B4GALT1: variants seen among roughly 807,000 people sequenced by gnomAD.
B4GALT1 encodes beta-1,4-galactosyltransferase 1, also known as N-acetyllactosamine synthase.
Under a neutral mutation model 34.9 loss-of-function variants are expected in B4GALT1, and 16 were observed. The ratio of observed to expected loss-of-function variants is 0.46; its 90% CI spans 0.31 to 0.70. The LOEUF (loss-of-function observed/expected upper bound fraction) is 0.70, where lower values mean the gene tolerates loss of function less well. Among genes scored for constraint, B4GALT1 ranks in the 30% least tolerant of loss-of-function variants. B4GALT1 has a pLI of 0.05. For missense variants in B4GALT1, 445 were observed against 530.5 expected (o/e 0.84, Z 1.58); for synonymous variants, 221 against 218.1 (o/e 1.01, Z -0.12).
upstream of B4GALT1, among the ~76,000 whole-genome samples, chr9:33,169,036 A>T (rs13287724): frequency 0.11 from 16,882 of 152,184 alleles, 1,060 homozygotes; most frequent in African/African-American, 0.16. Context: ...AAAACATCAA[A>T]ATTCACCACC....
intron 2 of B4GALT1, among the ~76,000 whole-genome samples, chr9:33,126,829 C>T (rs1840116627): frequency 6.6e-6 from 1 of 152,182 alleles, no homozygotes; most frequent in African/African-American, 2.4e-5. Context: ...TGACCCCTGC[C>T]ACACAGGAAC....
the B4GALT1 span, among the ~76,000 whole-genome samples, chr9:33,182,986 A>G: frequency 1.9e-3 from 288 of 152,316 alleles, 1 homozygote; most frequent in African/African-American, 6.6e-3. Context: ...GGATTAAAGG[A>G]AAATTCAGAT....
intron 2 of B4GALT1, among the ~76,000 whole-genome samples, chr9:33,105,209 G>A (rs779922078): frequency 1.3e-5 from 2 of 151,104 alleles, no homozygotes; most frequent in Non-Finnish European, 2.9e-5. Flanking sequence ...GCCCAATCTC[G>A]GCTCACCACA....
chr9:33,149,159 A>G (rs1457607820), intron 1 of B4GALT1, among the ~76,000 whole-genome samples: 1 of 151,760 alleles, frequency 6.6e-6, no homozygotes, highest in Non-Finnish European at 1.5e-5. Context: ...GCTAAAACCC[A>G]GTGGATATCA....
intron 1 of B4GALT1, among the ~76,000 whole-genome samples, chr9:33,146,410 T>C (rs1199432966): frequency 1.3e-5 from 2 of 152,232 alleles, no homozygotes; most frequent in African/African-American, 2.4e-5. Flanking sequence ...AGGTTTAGAA[T>C]GGTCTAGGCA....
the B4GALT1 span, among the ~76,000 whole-genome samples, chr9:33,183,889 CCAT>C: frequency 1.3e-5 from 2 of 151,860 alleles, no homozygotes; most frequent in Non-Finnish European, 2.9e-5. Flanking sequence ...AAGCTGGACA[CCAT>C]CATTCTCAGC....
chr9:33,165,822 T>G (rs1299898938), intron 1 of B4GALT1, among the ~76,000 whole-genome samples: 2 of 152,246 alleles, frequency 1.3e-5, no homozygotes, highest in Non-Finnish European at 2.9e-5. Context: ...CTCAGCCAGC[T>G]GCTATGAGGA....
chr9:33,159,321 C>G (rs756189124), intron 1 of B4GALT1, among the ~76,000 whole-genome samples: 1 of 152,210 alleles, frequency 6.6e-6, no homozygotes, highest in Non-Finnish European at 1.5e-5. Context: ...GGGACCCTCC[C>G]CATGACCTCT....
chr9:33,184,224 TAAAAC>T, the B4GALT1 span, among the ~76,000 whole-genome samples: 2 of 141,930 alleles, frequency 1.4e-5, no homozygotes, highest in South Asian at 2.2e-4. Flanking sequence ...TCTTGAAAAA[TAAAAC>T]AAAATAAAAT....
At chr9:33,144,314 A>C (rs970494923) in intron 1 of B4GALT1, among the ~76,000 whole-genome samples, 1 of 151,990 alleles carries the variant, frequency 6.6e-6, no homozygotes, top group Non-Finnish European at 1.5e-5. Flanking sequence ...GCTCACTGCA[A>C]CCTCCGCCTC....
downstream of B4GALT1, among the ~76,000 whole-genome samples, chr9:33,105,739 C>T (rs1839790904): frequency 6.6e-6 from 1 of 152,124 alleles, no homozygotes; most frequent in Admixed American, 6.5e-5. Flanking sequence ...CCTTTTGTGA[C>T]TGACTTATTT....
intron 1 of B4GALT1, among the ~76,000 whole-genome samples, chr9:33,139,720 G>C (rs1373046446): frequency 6.6e-6 from 1 of 152,244 alleles, no homozygotes; most frequent in Non-Finnish European, 1.5e-5. Flanking sequence ...GCAGACCTGC[G>C]ACCAGGTTTC....
chr9:33,146,285 G>C (rs1458151180), intron 1 of B4GALT1, among the ~76,000 whole-genome samples: 7 of 152,234 alleles, frequency 4.6e-5, no homozygotes, highest in Non-Finnish European at 1.0e-4. Context: ...ACCAGGGAAA[G>C]GTTCTGAGGC....
intron 1 of B4GALT1, among the ~76,000 whole-genome samples, chr9:33,140,587 AT>A (rs1840334431): frequency 6.6e-6 from 1 of 152,216 alleles, no homozygotes. Flanking sequence ...TTCAGGAAAC[AT>A]TTGGGAACAC....
chr9:33,109,425 A>G (rs1839829868), downstream of B4GALT1, among the ~76,000 whole-genome samples: 1 of 152,202 alleles, frequency 6.6e-6, no homozygotes, highest in Non-Finnish European at 1.5e-5. Context: ...TAAGTGTTAC[A>G]CTGAGTTCTG....
At chr9:33,162,295 G>A (rs904536968) in intron 1 of B4GALT1, among the ~76,000 whole-genome samples, 1 of 152,152 alleles carries the variant, frequency 6.6e-6, no homozygotes, top group Non-Finnish European at 1.5e-5. Flanking sequence ...GAAGGAGGGA[G>A]GGGAGTGATA....
chr9:33,164,802 C>T (rs945366455), intron 1 of B4GALT1, among the ~76,000 whole-genome samples: 8 of 152,104 alleles, frequency 5.3e-5, no homozygotes, highest in Non-Finnish European at 7.4e-5. Flanking sequence ...CAACTAAAAA[C>T]AAAAGCAAAA....
chr9:33,127,022 C>T (rs1005613244), intron 2 of B4GALT1, among the ~76,000 whole-genome samples: 20 of 152,060 alleles, frequency 1.3e-4, no homozygotes, highest in African/African-American at 4.6e-4. Flanking sequence ...AGTGCAGTGG[C>T]GCGATCTCGG....
At chr9:33,183,758 T>C in the B4GALT1 span, among the ~76,000 whole-genome samples, 199 of 151,130 alleles carry the variant, frequency 1.3e-3, no homozygotes, top group African/African-American at 4.6e-3. Context: ...AATGTGCACA[T>C]GTACCCTAAA....
Sources: gnomAD v4.1 joint callset for allele counts (sites outside exome capture counted in the v4.1 genomes callset) on GRCh38, gnomAD v4.1.1 for gene constraint, MANE v1.5 for transcripts, NCBI Gene and HGNC (gene_info 2026-07-23, HGNC 2026-07-21) for gene names.